The following CHRM3 variants were observed in gnomAD, a reference collection of about 807,000 sequenced individuals.
CHRM3 encodes the protein muscarinic acetylcholine receptor M3.
Under a neutral mutation model 41.8 loss-of-function variants are expected in CHRM3, and 11 were observed. The observed-to-expected ratio is 0.26, with a 90% CI of 0.17 to 0.44. The LOEUF (loss-of-function observed/expected upper bound fraction) is 0.44, where lower values mean the gene tolerates loss of function less well. Among genes scored for constraint, CHRM3 ranks in the 20% least tolerant of loss-of-function variants. The pLI, the probability that CHRM3 is intolerant of heterozygous loss-of-function variation, is 1.00. For missense variants in CHRM3, 571 were observed against 745.4 expected, an observed-to-expected ratio of 0.77 and a Z score of 2.72; for synonymous variants, 297 against 301.4, an observed-to-expected ratio of 0.99 and a Z score of 0.15.
At chr1:239,716,676 G>A (rs745766732) in intron 5 of CHRM3, among the ~76,000 whole-genome samples, 2 of 151,878 alleles carry the variant, frequency 1.3e-5, no homozygotes, top group Non-Finnish European at 2.9e-5. Flanking sequence ...TAACCAGTGG[G>A]TCCTAAAATA....
chr1:239,567,663 G>A (rs116104723), intron 3 of CHRM3, among the ~76,000 whole-genome samples: 2,951 of 152,192 alleles, frequency 0.019, 49 homozygotes, highest in Non-Finnish European at 0.029. Flanking sequence ...ATTATATATC[G>A]GTGTGTGAAG....
In CHRM3 at chr1:239,541,667, G is replaced by A. The variant is rs1658792234; in HGVS notation, c.-421-3974G>A. On this transcript the variant is annotated intron_variant, in intron 2 of 6. Coordinates refer to ENST00000676153, the MANE Select transcript of CHRM3 (RefSeq NM_001375978.1). Reference sequence around the variant, plus strand: ...GCTGGGACTACAGGCGTGTGCCACTGCGCCAGGCTAATTTTTCTATGTTTT... The same window carrying A: ...GCTGGGACTACAGGCGTGTGCCACTACGCCAGGCTAATTTTTCTATGTTTT... Among the ~76,000 whole-genome samples, 3 of 151,898 alleles carry A rather than the reference G, an allele frequency of 2.0e-5. 1 individual carries two copies. Among genetic ancestry groups the A allele is most frequent in the African/African-American group, 7.2e-5 (3 of 41,432 alleles).
At chr1:239,638,454 T>C (rs942553429) in intron 4 of CHRM3, among the ~76,000 whole-genome samples, 1 of 152,158 alleles carries the variant, frequency 6.6e-6, no homozygotes, top group Non-Finnish European at 1.5e-5. Context: ...TGATTGCCAT[T>C]CTAACTGGTG....
At chr1:239,818,656 C>T (rs1034100919) in intron 5 of CHRM3, among the ~76,000 whole-genome samples, 1 of 152,158 alleles carries the variant, frequency 6.6e-6, no homozygotes, top group African/African-American at 2.4e-5. Context: ...AAATTTATGA[C>T]AAGCTTAATT....
At chr1:239,643,086 C>T (rs1671367525) in intron 4 of CHRM3, among the ~76,000 whole-genome samples, 1 of 152,116 alleles carries the variant, frequency 6.6e-6, no homozygotes, top group South Asian at 2.1e-4. Flanking sequence ...AGTGGATGTT[C>T]GTGATCCGCG....
At chr1:239,485,396 C>G (rs1210494347) in intron 1 of CHRM3, among the ~76,000 whole-genome samples, 1 of 152,122 alleles carries the variant, frequency 6.6e-6, no homozygotes, top group African/African-American at 2.4e-5. Flanking sequence ...TTTCTGGGCT[C>G]AAGCAATCCT....
rs558918833 is a variant in CHRM3, at chr1:239,647,175, C to T, written c.-250+14889C>T. On this transcript the variant is annotated intron_variant, in intron 4 of 6. Transcript: ENST00000676153. ...TCAGTCTCACCTACCTTCTCTTCCT[C>T]TCACCATCCGTGACCCCATTTATCC... 5.9e-5 allele frequency among the ~76,000 whole-genome samples: 9 copies of T among 152,294 alleles called. No homozygotes were observed. The South Asian group carries it at 1.9e-3, about 32-fold the overall frequency.
chr1:239,835,671 C>T (rs964638868), intron 6 of CHRM3, among the ~76,000 whole-genome samples: 3 of 152,034 alleles, frequency 2.0e-5, no homozygotes, highest in Admixed American at 1.3e-4. Context: ...GTATTTATTT[C>T]GAATAGTTTA....
chr1:239,444,419 A>G (rs940844459), intron 1 of CHRM3, among the ~76,000 whole-genome samples: 14 of 152,210 alleles, frequency 9.2e-5, no homozygotes, highest in Non-Finnish European at 1.9e-4. Flanking sequence ...AATGTTTTGA[A>G]TGGAGGAGTA....
intron 4 of CHRM3, among the ~76,000 whole-genome samples, chr1:239,675,794 G>A (rs1657943361): frequency 6.6e-6 from 1 of 152,118 alleles, no homozygotes; most frequent in African/African-American, 2.4e-5. Context: ...TCACCTTCAT[G>A]ATAAGATATT....
chr1:239,398,200 A>C (rs964090465), intron 1 of CHRM3, among the ~76,000 whole-genome samples: 6 of 152,068 alleles, frequency 3.9e-5, no homozygotes, highest in African/African-American at 1.4e-4. Flanking sequence ...TCAATAGGAG[A>C]CTTTTGCAGT....
At chr1:239,847,135 A>G (rs1397257479) in intron 6 of CHRM3, among the ~76,000 whole-genome samples, 1 of 152,180 alleles carries the variant, frequency 6.6e-6, no homozygotes, top group African/African-American at 2.4e-5. Context: ...TCACATCTGT[A>G]TTCCAAAAAT....
At chr1:239,601,811 T>A (rs1474921124) in intron 3 of CHRM3, among the ~76,000 whole-genome samples, 1 of 152,118 alleles carries the variant, frequency 6.6e-6, no homozygotes. Context: ...GTTTCTGTGC[T>A]TTTTATATAA....
chr1:239,686,498 C>G (rs1486816216), intron 5 of CHRM3, among the ~76,000 whole-genome samples: 1 of 152,148 alleles, frequency 6.6e-6, no homozygotes. Flanking sequence ...TTCTGCTCAC[C>G]CTTCCCTGGG....
rs200936054 is a variant in CHRM3, at chr1:239,532,441, C to A, written c.-421-13200C>A. Among the ~76,000 whole-genome samples, 16 of 150,734 alleles carry A rather than the reference C, an allele frequency of 1.1e-4. No homozygotes were observed. In the East Asian group the frequency reaches 2.0e-3, roughly 19 times the overall value. ...AACAGATCGAGACCATCCTGGCCAACGTGGTGAAACCCCCTCTCTACTAAA... is the reference window on the plus strand; with the variant it reads ...AACAGATCGAGACCATCCTGGCCAAAGTGGTGAAACCCCCTCTCTACTAAA... On this transcript the variant is annotated intron_variant, in intron 2 of 6. Coordinates refer to ENST00000676153, the MANE Select transcript of CHRM3 (RefSeq NM_001375978.1).
Position 239,811,273 on chromosome 1 carries a change from C to T in CHRM3, c.-146-15979C>T, listed in dbSNP as rs538946779. 3.9e-5 allele frequency among the ~76,000 whole-genome samples: 6 copies of T among 152,298 alleles called. No homozygotes were observed. The South Asian group carries it at 1.2e-3, about 32-fold the overall frequency. On this transcript the variant is annotated intron_variant, in intron 5 of 6. Transcript: ENST00000676153. ...TATTTTAGCTCTTATGATGTGGCAG[C>T]ACAATTGGCGCCAGAAAGCGTGCTG...
At chr1:239,587,202 C>T (rs933699992) in intron 3 of CHRM3, among the ~76,000 whole-genome samples, 1 of 152,208 alleles carries the variant, frequency 6.6e-6, no homozygotes, top group Non-Finnish European at 1.5e-5. Context: ...CTGTACAGAG[C>T]AGTGAGGTAG....
intron 2 of CHRM3, among the ~76,000 whole-genome samples, chr1:239,529,604 C>T (rs531708837): frequency 8.0e-4 from 69 of 85,888 alleles, no homozygotes; most frequent in African/African-American, 2.7e-3. Flanking sequence ...AGAGAGACTC[C>T]GTCTCAAAAA....
chr1:239,667,554 G>T (rs1028543449), intron 4 of CHRM3, among the ~76,000 whole-genome samples: 2 of 152,156 alleles, frequency 1.3e-5, no homozygotes, highest in African/African-American at 4.8e-5. Flanking sequence ...GATGTTAATT[G>T]TGTGTCCAAG....
Sources: gnomAD v4.1 joint callset for allele counts (sites outside exome capture counted in the v4.1 genomes callset) on GRCh38, gnomAD v4.1.1 for gene constraint, MANE v1.5 for transcripts, NCBI Gene and HGNC (gene_info 2026-07-23, HGNC 2026-07-21) for gene names.